Variants in SYNPO2 observed in about 807,000 individuals in gnomAD.
SYNPO2 encodes the protein synaptopodin 2, also known as synaptopodin-2.
In SYNPO2, 56 loss-of-function variants were observed where a neutral mutation model predicts 85.0. The ratio of observed to expected loss-of-function variants is 0.66; its 90% CI spans 0.53 to 0.82. The LOEUF is 0.82. SYNPO2 is among the 40% of genes least tolerant of loss of function. The probability of loss-of-function intolerance (pLI) is 0.00; values close to 1 mark genes in which losing one functional copy is unlikely to be tolerated. For missense variants in SYNPO2, 1,575 were observed against 1,534.2 expected, an observed-to-expected ratio of 1.03 and a Z score of -0.44; for synonymous variants, 602 against 591.1, an observed-to-expected ratio of 1.02 and a Z score of -0.27.
chr4:118,868,045 A>G (rs955753671), intron 1 of SYNPO2, among the ~76,000 whole-genome samples: 2 of 130,798 alleles, frequency 1.5e-5, no homozygotes, highest in African/African-American at 5.6e-5. Flanking sequence ...CCCTCCTTTC[A>G]TTTAAAAAAA....
intron 1 of SYNPO2, among the ~76,000 whole-genome samples, chr4:119,017,781 A>G (rs1251470448): frequency 6.6e-6 from 1 of 152,206 alleles, no homozygotes; most frequent in East Asian, 1.9e-4. Flanking sequence ...ATTTTCCAAC[A>G]GTACTTGTCA....
intron 1 of SYNPO2, among the ~76,000 whole-genome samples, chr4:118,977,118 G>T (rs1180424409): frequency 6.6e-6 from 1 of 152,232 alleles, no homozygotes; most frequent in Admixed American, 6.5e-5. Flanking sequence ...TCGTCAGGGA[G>T]GCTCGGGCCG....
intron 1 of SYNPO2, among the ~76,000 whole-genome samples, chr4:118,957,249 A>C (rs1372484839): frequency 6.6e-6 from 1 of 152,154 alleles, no homozygotes; most frequent in Non-Finnish European, 1.5e-5. Flanking sequence ...CTTCCATGGC[A>C]GGGACCTACT....
At chr4:118,887,349 CA>C (rs1166525806), upstream of SYNPO2, among the ~76,000 whole-genome samples, 2 of 151,762 alleles carry the variant, frequency 1.3e-5, no homozygotes, top group South Asian at 2.1e-4. Context: ...AAATTATTTT[CA>C]AAAAAAATTC....
intron 1 of SYNPO2, among the ~76,000 whole-genome samples, chr4:118,963,197 G>C (rs995665525): frequency 6.6e-6 from 1 of 152,194 alleles, no homozygotes; most frequent in Non-Finnish European, 1.5e-5. Context: ...CCCTAGGCAA[G>C]TGTCTATCTT....
chr4:118,881,989 C>T (rs1732112989), intron 1 of SYNPO2, among the ~76,000 whole-genome samples: 1 of 152,212 alleles, frequency 6.6e-6, no homozygotes, highest in South Asian at 2.1e-4. Context: ...TTTATCCATC[C>T]TGTTGATGAT....
chr4:118,867,483 A>G lies in SYNPO2; in HGVS notation c.12+16543A>G, dbSNP rs201892055. 2.6e-5 allele frequency among the ~76,000 whole-genome samples: 3 copies of G among 116,344 alleles called. No homozygotes were observed. The East Asian group carries it at 7.7e-4, about 30-fold the overall frequency. The allele number at this position is 116,344 out of a possible 152,430, so 76.3% of individuals were successfully genotyped here. A position where few individuals can be genotyped will look rare whatever the true frequency, so the allele number is the denominator to read the frequency against. ...AGTTTCTTTCTTTTTTTTTTTTTTC[A>G]GTCTTAGACTGCCTCTGTAACCTTT... On this transcript the variant is annotated intron_variant, in intron 1 of 4. Coordinates refer to the SYNPO2 transcript ENST00000610556.
At chr4:118,999,895 T>C (rs1021121553) in intron 1 of SYNPO2, among the ~76,000 whole-genome samples, 1 of 152,212 alleles carries the variant, frequency 6.6e-6, no homozygotes, top group African/African-American at 2.4e-5. Context: ...GTAGAGATGT[T>C]CAATACCACC....
At chr4:118,896,238 T>C (rs1330605967) in intron 1 of SYNPO2, among the ~76,000 whole-genome samples, 1 of 152,158 alleles carries the variant, frequency 6.6e-6, no homozygotes, top group Non-Finnish European at 1.5e-5. Context: ...CTTGAAAACA[T>C]TGATAACAAA....
upstream of SYNPO2, chr4:118,888,820 C>G (rs1732260366): frequency 1.7e-6 from 1 of 574,194 alleles, no homozygotes. Context: ...ATGCTGCGAG[C>G]GCCTCTGCCT....
chr4:119,000,519 C>T (rs1019241915), intron 1 of SYNPO2, among the ~76,000 whole-genome samples: 11 of 152,148 alleles, frequency 7.2e-5, no homozygotes, highest in African/African-American at 2.4e-4. Context: ...AATACAACCC[C>T]AGGGATCACC....
chr4:119,051,186 A>ATGCTTTT (rs376359189), intron 4 of SYNPO2, among the ~76,000 whole-genome samples: 1 of 100,720 alleles, frequency 9.9e-6, no homozygotes, highest in East Asian at 3.2e-4. Flanking sequence ...ATGGGAAGCA[A>ATGCTTTT]TTTTTTTTTT....
At chr4:118,911,914 G>A (rs1733151565) in intron 1 of SYNPO2, among the ~76,000 whole-genome samples, 1 of 152,032 alleles carries the variant, frequency 6.6e-6, no homozygotes, top group East Asian at 1.9e-4. Flanking sequence ...ATGAATGACA[G>A]GTTAAGCCAA....
At chr4:118,930,945 T>C (rs1733913195) in intron 1 of SYNPO2, among the ~76,000 whole-genome samples, 1 of 151,188 alleles carries the variant, frequency 6.6e-6, no homozygotes, top group African/African-American at 2.4e-5. Flanking sequence ...AAATGGTAAG[T>C]ATCTTGAGGA....
chr4:119,047,428 T>C (rs946659360), intron 4 of SYNPO2, among the ~76,000 whole-genome samples: 3 of 152,232 alleles, frequency 2.0e-5, no homozygotes, highest in African/African-American at 7.2e-5. Context: ...TTATTAGTCC[T>C]GATTATGTGC....
intron 4 of SYNPO2, among the ~76,000 whole-genome samples, chr4:119,050,048 C>T (rs1234229336): frequency 6.6e-6 from 1 of 152,074 alleles, no homozygotes; most frequent in Non-Finnish European, 1.5e-5. Context: ...AAGATGTTCT[C>T]AGGCTGGGTG....
At chr4:118,863,762 C>G (rs1354009782) in intron 1 of SYNPO2, among the ~76,000 whole-genome samples, 5 of 152,128 alleles carry the variant, frequency 3.3e-5, no homozygotes, top group Non-Finnish European at 5.9e-5. Context: ...CAGGCGCAAG[C>G]CATCACACCC....
At chr4:118,925,999 A>G (rs1288961966) in intron 1 of SYNPO2, among the ~76,000 whole-genome samples, 1 of 152,114 alleles carries the variant, frequency 6.6e-6, no homozygotes. Context: ...CTGCCTCCAA[A>G]ATGTGCACAG....
chr4:118,930,376 C>T (rs1733882201), intron 1 of SYNPO2, among the ~76,000 whole-genome samples: 1 of 152,090 alleles, frequency 6.6e-6, no homozygotes, highest in African/African-American at 2.4e-5. Context: ...TTGCTTCCTT[C>T]CCACCCTTAC....
Sources: gnomAD v4.1 joint callset for allele counts (sites outside exome capture counted in the v4.1 genomes callset) on GRCh38, gnomAD v4.1.1 for gene constraint, MANE v1.5 for transcripts, NCBI Gene and HGNC (gene_info 2026-07-23, HGNC 2026-07-21) for gene names.